UBR3: variants seen among roughly 807,000 people sequenced by gnomAD.
The protein encoded by UBR3 is E3 ubiquitin-protein ligase UBR3.
A neutral mutation model predicts 243.2 loss-of-function variants in UBR3; 85 were observed. That is an observed-to-expected ratio of 0.35 (90% CI 0.29 to 0.42). The LOEUF (loss-of-function observed/expected upper bound fraction) is 0.42. UBR3 is among the 10% of genes least tolerant of loss of function. The probability of loss-of-function intolerance (pLI) is 1.00; values close to 1 mark genes in which losing one functional copy is unlikely to be tolerated. For synonymous variants in UBR3, 748 were observed against 799.8 expected (o/e 0.94, Z 1.09); for missense variants, 1,686 against 2,300.8 (o/e 0.73, Z 5.47).
intron 1 of UBR3, among the ~76,000 whole-genome samples, chr2:169,828,610 T>C (rs935488843): frequency 1.3e-5 from 2 of 151,462 alleles, no homozygotes; most frequent in Non-Finnish European, 2.9e-5. Context: ...CTCTTGAGGG[T>C]TGAGGGAGGA....
chr2:170,065,180 G>A (rs1456885998), intron 35 of UBR3, among the ~76,000 whole-genome samples: 2 of 152,060 alleles, frequency 1.3e-5, no homozygotes, highest in East Asian at 3.8e-4. Flanking sequence ...AATCTGTCAA[G>A]TTACTTCCCA....
intron 1 of UBR3, among the ~76,000 whole-genome samples, chr2:169,867,788 A>C (rs879858397): frequency 6.6e-6 from 1 of 152,192 alleles, no homozygotes; most frequent in Non-Finnish European, 1.5e-5. Context: ...AATCATGCAG[A>C]CTCAACATTT....
intron 24 of UBR3, among the ~76,000 whole-genome samples, chr2:169,985,229 T>C (rs79938332): frequency 1.3e-4 from 19 of 149,918 alleles, no homozygotes; most frequent in East Asian, 5.8e-4. Context: ...CTTTTCTTTT[T>C]TTTTTTTTTT....
chr2:169,940,910 T>C (rs1472433975), intron 19 of UBR3, among the ~76,000 whole-genome samples: 1 of 152,218 alleles, frequency 6.6e-6, no homozygotes, highest in African/African-American at 2.4e-5. Flanking sequence ...TGATGAATTC[T>C]TGTGCCATCC....
At chr2:169,990,548 T>C (rs1445427079) in intron 25 of UBR3, among the ~76,000 whole-genome samples, 2 of 152,088 alleles carry the variant, frequency 1.3e-5, no homozygotes, top group African/African-American at 4.8e-5. Context: ...AATAATAATG[T>C]TCTTGTTTGT....
At chr2:169,940,482 G>GT (rs1209920303) in intron 19 of UBR3, among the ~76,000 whole-genome samples, 2 of 151,968 alleles carry the variant, frequency 1.3e-5, no homozygotes, top group Admixed American at 6.6e-5. Context: ...TCATGTATCT[G>GT]TTTTTTTGAT....
rs1417702032 is a variant in UBR3, at chr2:169,977,815, A to G, written c.3635-8830A>G. ...CATCTAGGCATCCCTCAATGCAGTCAAATTGACACCTCGTATTAGCCATCA... is the reference window on the plus strand; with the variant it reads ...CATCTAGGCATCCCTCAATGCAGTCGAATTGACACCTCGTATTAGCCATCA... On this transcript the variant is annotated intron_variant, in intron 24 of 38. Transcript: ENST00000272793. Among the ~76,000 whole-genome samples the G allele has an allele frequency of 4.6e-5, 7 of 152,218 alleles. No homozygotes were observed. In the South Asian group the frequency reaches 1.4e-3, roughly 32 times the overall value.
Position 169,877,566 on chromosome 2 carries a change from C to A in UBR3, c.917C>A (p.Thr306Lys). The A allele has an allele frequency of 6.5e-7, 1 of 1,549,682 alleles. No individual in the cohort carries two copies. The highest frequency in any genetic ancestry group is 8.7e-7 in the Non-Finnish European group (1 of 1,146,560). The change falls in exon 4 of 39, where the codon ACA becomes AAA. Residue 306 changes from threonine to lysine, a missense_variant. Around this residue, in one of 8 missense-constraint regions of UBR3, gnomAD observed 200 missense variants for 231.6 expected, o/e 0.86. Transcript: ENST00000272793. Reference sequence around the variant, plus strand: ...ATAGCTTTAAAGAGCTCTGGACTTACATATCCTGAGGATAAGCTTGTATAT... The same window carrying A: ...ATAGCTTTAAAGAGCTCTGGACTTAAATATCCTGAGGATAAGCTTGTATAT... ...YLIALKSSGLTYPEDKLVYGV... is the reference protein window; with the variant it reads ...YLIALKSSGLKYPEDKLVYGV...
intron 1 of UBR3, among the ~76,000 whole-genome samples, chr2:169,856,847 G>A (rs2082889742): frequency 6.7e-6 from 1 of 149,518 alleles, no homozygotes. Flanking sequence ...GGGGGAGGGG[G>A]AGGGGGAGCT....
intron 23 of UBR3, among the ~76,000 whole-genome samples, chr2:169,956,203 ACT>A (rs34139919): frequency 0.73 from 106,908 of 145,648 alleles, 39,023 homozygotes; most frequent in East Asian, 0.84. Context: ...GACACCTATA[ACT>A]CTCTCTCTCT....
chr2:169,932,151 C>G (rs1340127984), intron 18 of UBR3, among the ~76,000 whole-genome samples: 1 of 151,644 alleles, frequency 6.6e-6, no homozygotes, highest in East Asian at 1.9e-4. Flanking sequence ...GATCTTGGCT[C>G]ACTGCAACCT....
rs1014361751 is a variant in UBR3, at chr2:169,992,098, G to A, written c.3785-2225G>A. Reference sequence around the variant, plus strand: ...TTATTGACTTTACTACAGACCTCACGGAAATAGAAAGGATTATAGGAGAAT... The same window carrying A: ...TTATTGACTTTACTACAGACCTCACAGAAATAGAAAGGATTATAGGAGAAT... On this transcript the variant is annotated intron_variant, in intron 25 of 38. Transcript: ENST00000272793. Among the ~76,000 whole-genome samples the A allele has an allele frequency of 5.9e-5, 9 of 152,000 alleles. 1 individual carries two copies. Among genetic ancestry groups the A allele is most frequent in the African/African-American group, 1.9e-4 (8 of 41,378 alleles).
intron 30 of UBR3, among the ~76,000 whole-genome samples, chr2:170,017,879 G>C (rs182646039): frequency 5.7e-4 from 86 of 152,212 alleles, no homozygotes; most frequent in African/African-American, 1.8e-3. Context: ...AGTTTGTAAA[G>C]TTCTTTCACA....
At chr2:169,924,028 T>C in intron 12 of UBR3, 34 bp downstream of exon 12, 1 of 1,526,060 alleles carries the variant, frequency 6.6e-7, no homozygotes, top group Middle Eastern at 1.7e-4. Flanking sequence ...TGTTCTTTTT[T>C]TTTTAATTTT....
intron 10 of UBR3, among the ~76,000 whole-genome samples, chr2:169,912,573 T>TA (rs2085296496): frequency 6.6e-6 from 1 of 152,232 alleles, no homozygotes; most frequent in Non-Finnish European, 1.5e-5. Context: ...TTTCATTGTA[T>TA]GGATATACAA....
intron 31 of UBR3, among the ~76,000 whole-genome samples, chr2:170,038,231 G>A (rs779236665): frequency 2.0e-5 from 3 of 152,146 alleles, no homozygotes; most frequent in Non-Finnish European, 4.4e-5. Context: ...ATAAAGTACA[G>A]CTTTGCATAA....
At chr2:169,961,061 GT>G (rs770427064) in intron 24 of UBR3, among the ~76,000 whole-genome samples, 22 of 151,972 alleles carry the variant, frequency 1.4e-4, no homozygotes, top group Admixed American at 3.9e-4. Context: ...TTCCCCAACT[GT>G]CTTTTTAAAA....
At chr2:169,890,579 A>ATATGTG (rs373265395) in intron 5 of UBR3, among the ~76,000 whole-genome samples, 3 of 61,260 alleles carry the variant, frequency 4.9e-5, no homozygotes, top group Admixed American at 1.9e-4. Flanking sequence ...ATATATATAT[A>ATATGTG]TGTATATATA....
intron 28 of UBR3, 52 bp from the exon 29 acceptor site, chr2:170,008,752 T>G (rs1233185065): frequency 5.3e-5 from 49 of 930,872 alleles, no homozygotes; most frequent in Non-Finnish European, 7.4e-5. Context: ...TTCAGACCAT[T>G]ATTAAAGAAA....
Sources: allele counts gnomAD v4.1 joint callset (sites outside exome capture counted in the v4.1 genomes callset), GRCh38; gene constraint gnomAD v4.1.1; regional missense constraint gnomAD v4.1.1; transcripts MANE v1.5; gene names NCBI Gene and HGNC (gene_info 2026-07-23, HGNC 2026-07-21).